The following CACNA2D2 variants were observed in gnomAD, a reference collection of about 807,000 sequenced individuals.
The protein encoded by CACNA2D2 is voltage-dependent calcium channel subunit alpha-2/delta-2.
Under a neutral mutation model 166.4 loss-of-function variants are expected in CACNA2D2, and 48 were observed. The observed-to-expected ratio is 0.29, with a 90% CI of 0.23 to 0.37. The LOEUF is 0.37. Ranked by LOEUF, CACNA2D2 falls within the 10% of genes least tolerant of loss-of-function variation. The probability of loss-of-function intolerance (pLI) is 1.00; values close to 1 mark genes in which losing one functional copy is unlikely to be tolerated. For synonymous variants in CACNA2D2, 561 were observed against 573.7 expected, an observed-to-expected ratio of 0.98 and a Z score of 0.32; for missense variants, 1,122 against 1,433.0, an observed-to-expected ratio of 0.78 and a Z score of 3.50.
chr3:50,485,204 C>T (rs1190497741), intron 1 of CACNA2D2, among the ~76,000 whole-genome samples: 2 of 152,188 alleles, frequency 1.3e-5, no homozygotes, highest in Non-Finnish European at 2.9e-5. Context: ...ACCAGCCACC[C>T]AGCACCTGCA....
intron 1 of CACNA2D2, among the ~76,000 whole-genome samples, chr3:50,499,478 A>G (rs978377789): frequency 2.0e-5 from 3 of 152,220 alleles, no homozygotes; most frequent in African/African-American, 4.8e-5. Context: ...CAGCCTCTTA[A>G]GCAGATTCTA....
chr3:50,365,425 T>C lies in CACNA2D2; in HGVS notation c.3029A>G (p.Gln1010Arg), dbSNP rs774826852. The C allele has an allele frequency of 4.3e-6, 7 of 1,613,708 alleles. No individual in the cohort carries two copies. The highest frequency in any genetic ancestry group is 1.3e-5 in the African/African-American group (1 of 75,048). ...TACCGAGCCGAAGTAGTACTGGGTCTGTTTCATGACGCAGCTGCTCTCGCG... is the reference window on the plus strand; with the variant it reads ...TACCGAGCCGAAGTAGTACTGGGTCCGTTTCATGACGCAGCTGCTCTCGCG... Reference protein sequence around the residue: ...ETRESSCVMKQTQYYFGSVNA... With the variant: ...ETRESSCVMKRTQYYFGSVNA... The change falls in exon 35 of 38, where the codon CAG becomes CGG. Residue 1010 changes from glutamine to arginine, a missense_variant. Gln to Arg is a conservative substitution (Grantham distance 43). Around this residue, in one of 2 missense-constraint regions of CACNA2D2, gnomAD observed 282 missense variants for 266.2 expected, o/e 1.06. Transcript: ENST00000424201. The surrounding 1 kb of genome is among the most constrained non-coding windows in gnomAD (Gnocchi z 4.5).
chr3:50,382,185 C>G (rs1317620691), intron 6 of CACNA2D2, among the ~76,000 whole-genome samples: 1 of 152,158 alleles, frequency 6.6e-6, no homozygotes, highest in Non-Finnish European at 1.5e-5. Flanking sequence ...TCCCTGGACA[C>G]TAGGACAAAA....
chr3:50,500,775 C>T (rs189991184), intron 1 of CACNA2D2, among the ~76,000 whole-genome samples: 18 of 111,146 alleles, frequency 1.6e-4, no homozygotes, highest in Admixed American at 8.1e-4. Flanking sequence ...CAAAAAAAAA[C>T]CCTGAAGCCC....
At chr3:50,415,240 A>C (rs1236736578) in intron 3 of CACNA2D2, among the ~76,000 whole-genome samples, 1 of 152,184 alleles carries the variant, frequency 6.6e-6, no homozygotes, top group Non-Finnish European at 1.5e-5. Context: ...TCTGCCAGAG[A>C]AGCAGTGTCC....
intron 2 of CACNA2D2, among the ~76,000 whole-genome samples, chr3:50,447,531 G>A (rs1708909559): frequency 6.6e-6 from 1 of 152,130 alleles, no homozygotes; most frequent in East Asian, 1.9e-4. Flanking sequence ...AGGAGGGAGA[G>A]AACTGGGAGC....
intron 4 of CACNA2D2, among the ~76,000 whole-genome samples, chr3:50,391,738 G>A (rs1205658078): frequency 6.6e-6 from 1 of 152,216 alleles, no homozygotes. Flanking sequence ...TTCCTCAGAG[G>A]TTTGCATCTG....
intron 2 of CACNA2D2, among the ~76,000 whole-genome samples, chr3:50,463,875 C>T (rs1709700183): frequency 6.6e-6 from 1 of 152,240 alleles, no homozygotes; most frequent in Non-Finnish European, 1.5e-5. Flanking sequence ...CACTGCAGAC[C>T]TCATGCCAAG....
chr3:50,450,063 C>A (rs1240296136), intron 2 of CACNA2D2, among the ~76,000 whole-genome samples: 1 of 152,298 alleles, frequency 6.6e-6, no homozygotes, highest in East Asian at 1.9e-4. Context: ...CAGAAGGGGG[C>A]AAGCTAAAGG....
At chr3:50,370,435 GGGCTCAGAGC>G in intron 22 of CACNA2D2, 55 bp from the exon 23 acceptor site, 1 of 791,176 alleles carries the variant, frequency 1.3e-6, no homozygotes, top group Non-Finnish European at 2.1e-6. Flanking sequence ...GGAGGCCGGG[GGGCTCAGAGC>G]TGACGGGGCT....
chr3:50,430,916 A>C (rs767794958), intron 3 of CACNA2D2, among the ~76,000 whole-genome samples: 1 of 152,112 alleles, frequency 6.6e-6, no homozygotes, highest in Non-Finnish European at 1.5e-5. Flanking sequence ...GGTTGCTTGC[A>C]TTGCAAGGCC....
At position 50,370,759 on chromosome 3, in the gene CACNA2D2, G is replaced by A. The variant is rs1704615840; in HGVS notation, c.1985-379C>T. 2.0e-5 allele frequency among the ~76,000 whole-genome samples: 3 copies of A among 152,204 alleles called. No homozygotes were observed. In the South Asian group the frequency reaches 6.2e-4, roughly 32 times the overall value. On this transcript the variant is annotated intron_variant, in intron 22 of 37. Transcript: ENST00000424201. ...TGCTATATATATGCATGGTCTGGGGGAGGCGCCAGTCTCGCTCTTATCACA... is the reference window on the plus strand; with the variant it reads ...TGCTATATATATGCATGGTCTGGGGAAGGCGCCAGTCTCGCTCTTATCACA...
intron 1 of CACNA2D2, among the ~76,000 whole-genome samples, chr3:50,479,170 C>G (rs566529736): frequency 1.3e-5 from 2 of 152,198 alleles, no homozygotes; most frequent in African/African-American, 4.8e-5. Flanking sequence ...ACTCTCCCTC[C>G]CTCCTTGTCT....
At position 50,365,941 on chromosome 3, in the gene CACNA2D2, G is replaced by A. The variant is rs139810708; in HGVS notation, c.2862+70C>T. On this transcript the variant is annotated intron_variant, in intron 32 of 37. Coordinates refer to ENST00000424201, the MANE Select transcript of CACNA2D2 (RefSeq NM_006030.4). This position sits in a 1 kb window ranked among gnomAD's most constrained non-coding sequence, Gnocchi z 4.5. ...CCCCCAGCTTTATCAAATGTCAGAG[G>A]TAGGGGGTCATCTGTGGGCAGGTCT... is the stretch of plus-strand genomic sequence containing the variant. 3.7e-6 allele frequency: 6 copies of A among 1,611,622 alleles called. No homozygotes were observed. The highest frequency in any genetic ancestry group is 2.2e-5 in the South Asian group (2 of 91,026).
chr3:50,413,444 T>C (rs1689534372), intron 3 of CACNA2D2, among the ~76,000 whole-genome samples: 1 of 152,124 alleles, frequency 6.6e-6, no homozygotes, highest in Non-Finnish European at 1.5e-5. Flanking sequence ...AATTGGGCCA[T>C]GGCTGTGTGG....
chr3:50,366,397 G>C lies in CACNA2D2; in HGVS notation c.2638-59C>G, dbSNP rs760118474. The C allele has an allele frequency of 6.4e-7, 1 of 1,562,736 alleles. No individual in the cohort carries two copies. The highest frequency in any genetic ancestry group is 8.8e-7 in the Non-Finnish European group (1 of 1,133,568). ...GGGGCTGGGCCCCGGACCTTCCACCGCAGGCAGTCCAGTGGTTCAGAGTTG... is the reference window on the plus strand; with the variant it reads ...GGGGCTGGGCCCCGGACCTTCCACCCCAGGCAGTCCAGTGGTTCAGAGTTG... On this transcript the variant is annotated intron_variant, in intron 30 of 37. Coordinates refer to ENST00000424201, the MANE Select transcript of CACNA2D2 (RefSeq NM_006030.4). The surrounding 1 kb of genome is among the most constrained non-coding windows in gnomAD (Gnocchi z 5.9).
At chr3:50,432,759 G>A (rs1377256086) in intron 3 of CACNA2D2, among the ~76,000 whole-genome samples, 1 of 152,212 alleles carries the variant, frequency 6.6e-6, no homozygotes, top group Non-Finnish European at 1.5e-5. Flanking sequence ...CACCTTCTCT[G>A]GGAAGCTGGC....
rs535323728 is a variant in CACNA2D2 at position 50,496,784 on chromosome 3, GT to G, written c.206+6433del. On this transcript the variant is annotated intron_variant, in intron 1 of 37. Coordinates refer to ENST00000424201, the MANE Select transcript of CACNA2D2 (RefSeq NM_006030.4). ...TGGAAGTTCCCAAGGTCACACAGCT[GT>G]TGAGAGGTGTGGCAGAGTCTCAGTG... 2.2e-3 allele frequency among the ~76,000 whole-genome samples: 333 copies of G among 152,272 alleles called. 3 individuals are homozygous for G. Among genetic ancestry groups the G allele is most frequent in the African/African-American group, 7.4e-3 (306 of 41,510 alleles).
rs772184939 is a variant in CACNA2D2 at position 50,374,831 on chromosome 3, C to T, written c.1908-18G>A. The T allele has an allele frequency of 3.5e-5, 55 of 1,572,276 alleles. No individual in the cohort carries two copies. The highest frequency in any genetic ancestry group is 2.6e-4 in the Admixed American group (14 of 53,838). ...GCCCCAGGCTGAGGGGGGAGAAGCTCGGGTCACGGCTGGGGGGAGGCGGGC... is the reference window on the plus strand; with the variant it reads ...GCCCCAGGCTGAGGGGGGAGAAGCTTGGGTCACGGCTGGGGGGAGGCGGGC... On this transcript the variant is annotated intron_variant, in intron 21 of 37. Transcript: ENST00000424201.
Sources: allele counts gnomAD v4.1 joint callset (sites outside exome capture counted in the v4.1 genomes callset), GRCh38; gene constraint gnomAD v4.1.1; regional missense constraint gnomAD v4.1.1; non-coding constraint Gnocchi (gnomAD v3.1); transcripts MANE v1.5; gene names NCBI Gene and HGNC (gene_info 2026-07-23, HGNC 2026-07-21).